Variants in PRKN observed in about 807,000 individuals in gnomAD.
PRKN encodes the protein E3 ubiquitin-protein ligase parkin.
In PRKN, 56 loss-of-function variants were observed where a neutral mutation model predicts 59.5. The observed-to-expected ratio is 0.94, with a 90% confidence interval of 0.76 to 1.18. The LOEUF is 1.18. Among genes scored for constraint, PRKN ranks in the 50% most tolerant of loss-of-function variants. The pLI is 0.00. For synonymous variants in PRKN, 250 were observed against 222.1 expected, an observed-to-expected ratio of 1.13 and a Z score of -1.12; for missense variants, 657 against 596.4, an observed-to-expected ratio of 1.10 and a Z score of -1.06.
intron 4 of PRKN, among the ~76,000 whole-genome samples, chr6:162,131,365 A>G (rs1279837651): frequency 6.6e-6 from 1 of 152,236 alleles, no homozygotes; most frequent in Admixed American, 6.5e-5. Context: ...TAGTTGTATA[A>G]TGTTCTCTCT....
chr6:162,334,567 T>C (rs1382006029), intron 2 of PRKN, among the ~76,000 whole-genome samples: 1 of 152,220 alleles, frequency 6.6e-6, no homozygotes, highest in Non-Finnish European at 1.5e-5. Flanking sequence ...ACAATACAAC[T>C]GGTCACCCGA....
At chr6:161,791,367 AT>A (rs1790630714) in intron 6 of PRKN, among the ~76,000 whole-genome samples, 1 of 152,224 alleles carries the variant, frequency 6.6e-6, no homozygotes, top group Non-Finnish European at 1.5e-5. Flanking sequence ...AAATATTTAA[AT>A]TCTTGTAAAG....
chr6:162,242,851 T>TTA (rs1779039850), intron 3 of PRKN, among the ~76,000 whole-genome samples: 1 of 152,122 alleles, frequency 6.6e-6, no homozygotes, highest in Non-Finnish European at 1.5e-5. Flanking sequence ...GAAAACTGCA[T>TTA]CTTCATGGTA....
intron 7 of PRKN, among the ~76,000 whole-genome samples, chr6:161,606,935 T>C (rs1211800038): frequency 6.6e-6 from 1 of 152,184 alleles, no homozygotes; most frequent in Non-Finnish European, 1.5e-5. Context: ...GGATCTGGGC[T>C]CAGGCCACCT....
chr6:161,864,610 G>T (rs1181689516), intron 6 of PRKN, among the ~76,000 whole-genome samples: 4 of 151,886 alleles, frequency 2.6e-5, no homozygotes, highest in African/African-American at 9.7e-5. Context: ...CTAGAATGGT[G>T]AATTCTTTCC....
chr6:162,089,317 G>A (rs939079175), intron 4 of PRKN, among the ~76,000 whole-genome samples: 11 of 152,116 alleles, frequency 7.2e-5, no homozygotes, highest in African/African-American at 2.2e-4. Context: ...ATCATTAGTC[G>A]TTAGGGAAAT....
chr6:161,593,833 G>A lies in PRKN; in HGVS notation c.872-24417C>T, dbSNP rs1781814905. On this transcript the variant is annotated intron_variant, in intron 7 of 11. Coordinates refer to ENST00000366898, the MANE Select transcript of PRKN (RefSeq NM_004562.3). This position sits in a 1 kb window ranked among gnomAD's most constrained non-coding sequence, Gnocchi z 4.8. ...GACACACCAAGTCATGATGCTCAGG[G>A]GTCAAATAGGTGGAGGTGATAGAAT... is the stretch of plus-strand genomic sequence containing the variant. 1.3e-5 allele frequency among the ~76,000 whole-genome samples: 2 copies of A among 152,052 alleles called. No individual in the cohort carries two copies. The highest frequency in any genetic ancestry group is 4.8e-5 in the African/African-American group (2 of 41,402).
At chr6:162,207,508 C>T (rs1415918107) in intron 3 of PRKN, among the ~76,000 whole-genome samples, 1 of 152,164 alleles carries the variant, frequency 6.6e-6, no homozygotes, top group East Asian at 1.9e-4. Context: ...TAGGGAGCCA[C>T]AGTCAGCACT....
At chr6:161,732,981 G>A (rs528916502) in intron 7 of PRKN, among the ~76,000 whole-genome samples, 5 of 152,190 alleles carry the variant, frequency 3.3e-5, no homozygotes, top group South Asian at 2.1e-4. Flanking sequence ...GAGGGCGTAG[G>A]AACCTCTCAG....
chr6:162,584,120 G>A (rs1041501357), intron 1 of PRKN, among the ~76,000 whole-genome samples: 2 of 152,072 alleles, frequency 1.3e-5, no homozygotes, highest in East Asian at 3.9e-4. Flanking sequence ...GGCTGAGGCA[G>A]GAGAATGGTG....
At chr6:161,901,665 A>G (rs9365346) in intron 6 of PRKN, among the ~76,000 whole-genome samples, 77,525 of 152,038 alleles carry the variant, frequency 0.51, 20,057 homozygotes, top group Middle Eastern at 0.65. Flanking sequence ...AAACAGGGAG[A>G]AGGACATAAA....
intron 6 of PRKN, among the ~76,000 whole-genome samples, chr6:161,923,617 A>G (rs551453352): frequency 1.3e-5 from 2 of 152,324 alleles, no homozygotes; most frequent in East Asian, 3.9e-4. Context: ...CTCTACTTAC[A>G]TATAATGAAT....
intron 6 of PRKN, among the ~76,000 whole-genome samples, chr6:161,824,836 A>G (rs1257804586): frequency 6.6e-6 from 1 of 152,244 alleles, no homozygotes; most frequent in African/African-American, 2.4e-5. Flanking sequence ...CTAAGATAAC[A>G]TTCATTTCAT....
At chr6:161,851,021 G>A (rs1185878909) in intron 6 of PRKN, among the ~76,000 whole-genome samples, 2 of 152,118 alleles carry the variant, frequency 1.3e-5, no homozygotes, top group Non-Finnish European at 2.9e-5. Flanking sequence ...TACAAATAAC[G>A]ATACTTTATT....
rs982773601 is a variant in PRKN, at chr6:162,620,803, C to T, written c.7+106859G>A. Among the ~76,000 whole-genome samples the T allele has an allele frequency of 5.9e-5, 9 of 152,278 alleles. No homozygotes were observed. The East Asian group carries it at 1.7e-3, about 29-fold the overall frequency. ...TCCTGGCATTAAGCAATCCTCCTGC[C>T]TTAGCCTTCCAAAGTGTTGGGATGA... On this transcript the variant is annotated intron_variant, in intron 1 of 11. Transcript: ENST00000366898.
rs1784787189 is a variant in PRKN at position 161,357,109 on chromosome 6, T to TG, written c.1285+2978dup. Among the ~76,000 whole-genome samples, 1 of 141,266 alleles carries TG rather than the reference T, an allele frequency of 7.1e-6. No individual in the cohort carries two copies. The highest frequency in any genetic ancestry group is 1.5e-5 in the Non-Finnish European group (1 of 66,434). The allele number at this position is 141,266 out of a possible 152,430, so 92.7% of individuals were successfully genotyped here. A position where few individuals can be genotyped will look rare whatever the true frequency, so the allele number is the denominator to read the frequency against. ...CTCTGTCACTCAGGCTGGAGTGCAA[T>TG]GGCATGATCTCAGCTCACTGCAAAT... On this transcript the variant is annotated intron_variant, in intron 11 of 11. Transcript: ENST00000366898. The surrounding 1 kb of genome is among the most constrained non-coding windows in gnomAD (Gnocchi z 5.5).
At position 162,650,604 on chromosome 6, in the gene PRKN, A is replaced by G. The variant is rs184938370; in HGVS notation, c.7+77058T>C. On this transcript the variant is annotated intron_variant, in intron 1 of 11. Transcript: ENST00000366898. ...CAGAGCGAGACTCCGTCTCAAAAAA[A>G]AAAAAAAAAAAGAAAACTCTCTGCC... Among the ~76,000 whole-genome samples the G allele has an allele frequency of 4.6e-4, 69 of 151,368 alleles. 1 individual carries two copies. Among genetic ancestry groups the G allele is most frequent in the African/African-American group, 1.5e-3 (61 of 41,366 alleles).
Position 161,419,851 on chromosome 6 carries a change from T to C in PRKN, c.1084-32974A>G, listed in dbSNP as rs965313082. ...TTTATTTCACTGTGAAAGGGGGAAA[T>C]TGGTACCTACTTGTGGGATTGCTGT... On this transcript the variant is annotated intron_variant, in intron 9 of 11. Coordinates refer to ENST00000366898, the MANE Select transcript of PRKN (RefSeq NM_004562.3). The surrounding 1 kb of genome is among the most constrained non-coding windows in gnomAD (Gnocchi z 4.1). Among the ~76,000 whole-genome samples the C allele has an allele frequency of 6.6e-6, 1 of 151,890 alleles. No homozygotes were observed. Among genetic ancestry groups the C allele is most frequent in the Non-Finnish European group, 1.5e-5 (1 of 68,006 alleles).
intron 2 of PRKN, among the ~76,000 whole-genome samples, chr6:162,334,378 G>A (rs1403352835): frequency 6.6e-6 from 1 of 152,178 alleles, no homozygotes; most frequent in Non-Finnish European, 1.5e-5. Context: ...AATGCAGCTG[G>A]TTTAAAGCCA....
Sources: gnomAD v4.1 joint callset for allele counts (sites outside exome capture counted in the v4.1 genomes callset) on GRCh38, gnomAD v4.1.1 for gene constraint, Gnocchi (gnomAD v3.1) non-coding constraint, MANE v1.5 for transcripts, NCBI Gene and HGNC (gene_info 2026-07-23, HGNC 2026-07-21) for gene names.